Variants in MSH3 observed in about 807,000 individuals in gnomAD.
The protein encoded by MSH3 is mutS homolog 3.
A neutral mutation model predicts 123.3 loss-of-function variants in MSH3; 106 were observed. The observed-to-expected ratio is 0.86, with a 90% CI of 0.73 to 1.01. The LOEUF (loss-of-function observed/expected upper bound fraction) is 1.01. Among genes scored for constraint, MSH3 ranks in the 50% least tolerant of loss-of-function variants. MSH3 has a pLI of 0.00. For synonymous variants in MSH3, 515 were observed against 481.4 expected (o/e 1.07, Z -0.91); for missense variants, 1,459 against 1,347.6 (o/e 1.08, Z -1.29).
chr5:80,871,134 G>T (rs1046134761), intron 22 of MSH3, among the ~76,000 whole-genome samples: 2 of 152,128 alleles, frequency 1.3e-5, no homozygotes, highest in East Asian at 3.9e-4. Context: ...CATTCAGGAG[G>T]TTCATTCGGA....
At chr5:80,838,395 T>C (rs867262029) in intron 20 of MSH3, among the ~76,000 whole-genome samples, 6 of 152,184 alleles carry the variant, frequency 3.9e-5, no homozygotes, top group Admixed American at 2.0e-4. Flanking sequence ...TCCTCATTTG[T>C]ACATAGGGAT....
chr5:80,863,498 G>A (rs905116140), intron 21 of MSH3, among the ~76,000 whole-genome samples: 2 of 151,878 alleles, frequency 1.3e-5, no homozygotes, highest in Non-Finnish European at 2.9e-5. Context: ...GTGAAACCCC[G>A]TCTCTACTAA....
chr5:80,756,703 G>C (rs1440300540), intron 12 of MSH3, among the ~76,000 whole-genome samples: 1 of 152,082 alleles, frequency 6.6e-6, no homozygotes, highest in Non-Finnish European at 1.5e-5. Context: ...TTCATCACTA[G>C]AGTGTAAATT....
chr5:80,685,554 C>G (rs184758686), intron 8 of MSH3, among the ~76,000 whole-genome samples: 26 of 152,052 alleles, frequency 1.7e-4, no homozygotes, highest in African/African-American at 5.8e-4. Context: ...TGGGGTTTCT[C>G]TCTTTTTTCA....
chr5:80,804,789 A>G (rs1472164747), intron 19 of MSH3, among the ~76,000 whole-genome samples: 1 of 152,172 alleles, frequency 6.6e-6, no homozygotes, highest in East Asian at 1.9e-4. Context: ...ACTACCATCT[A>G]TGTTCACTCA....
chr5:80,862,802 A>T (rs1185512768), intron 21 of MSH3, among the ~76,000 whole-genome samples: 1 of 152,204 alleles, frequency 6.6e-6, no homozygotes, highest in Non-Finnish European at 1.5e-5. Context: ...ACTAACAAAA[A>T]TAAACTTTAA....
chr5:80,736,285 T>C (rs2112863442), intron 10 of MSH3, among the ~76,000 whole-genome samples: 1 of 105,808 alleles, frequency 9.5e-6, no homozygotes, highest in Admixed American at 1.2e-4. Flanking sequence ...TAAAAGACAC[T>C]AAGAAAATGA....
At chr5:80,832,244 G>A (rs1745432661) in intron 20 of MSH3, among the ~76,000 whole-genome samples, 1 of 152,144 alleles carries the variant, frequency 6.6e-6, no homozygotes, top group South Asian at 2.1e-4. Context: ...AAAGGGGAGA[G>A]TTTTCCAGGA....
intron 3 of MSH3, among the ~76,000 whole-genome samples, chr5:80,666,085 A>C (rs962335517): frequency 2.6e-5 from 4 of 152,154 alleles, no homozygotes; most frequent in African/African-American, 9.7e-5. Context: ...TTATTGATGG[A>C]GTCTTGCTCT....
At chr5:80,655,612 G>A (rs2112800082) in intron 1 of MSH3, 1 of 182,882 alleles carries the variant, frequency 5.5e-6, no homozygotes. Flanking sequence ...CAGAGATACT[G>A]CCACAGGAAA....
intron 19 of MSH3, among the ~76,000 whole-genome samples, chr5:80,805,586 C>T (rs1288714544): frequency 1.0e-4 from 8 of 80,322 alleles, no homozygotes; most frequent in Middle Eastern, 5.1e-3. Context: ...ATGCCCCCCC[C>T]CCCTACCTTT....
At chr5:80,748,353 A>G (rs1453762555) in intron 12 of MSH3, among the ~76,000 whole-genome samples, 18 of 152,182 alleles carry the variant, frequency 1.2e-4, no homozygotes, top group Admixed American at 1.2e-3. Context: ...AAATTTTAAT[A>G]GTGACTTTTA....
intron 12 of MSH3, chr5:80,746,523 T>C (rs531596392): frequency 1.5e-5 from 7 of 475,216 alleles, no homozygotes; most frequent in African/African-American, 1.2e-4. Context: ...GCAGAAGTAG[T>C]ACAAAAAGTA....
chr5:80,665,661 A>G (rs1391793577), intron 3 of MSH3, among the ~76,000 whole-genome samples: 1 of 152,214 alleles, frequency 6.6e-6, no homozygotes, highest in Non-Finnish European at 1.5e-5. Context: ...TTGAGAATTA[A>G]TACAAGCACA....
In MSH3 at chr5:80,670,246, C is replaced by A. The variant is rs777901350; in HGVS notation, c.729C>A (p.His243Gln). 3 of 1,614,028 alleles carry A rather than the reference C, an allele frequency of 1.9e-6. No homozygotes were observed. The highest frequency in any genetic ancestry group is 2.5e-6 in the Non-Finnish European group (3 of 1,179,998). The change falls in exon 4 of 24, where the codon CAC (histidine) becomes CAA (glutamine). Residue 243 changes from histidine (H) to glutamine (Q), a missense_variant. By Grantham distance (24) the His-to-Gln change is conservative. Transcript: ENST00000265081. Reference protein sequence around the residue: ...ELQYIEMKQQHKDAVLCVECG... With the variant: ...ELQYIEMKQQQKDAVLCVECG... Reference sequence around the variant, plus strand: ...AATACATAGAAATGAAGCAGCAGCACAAAGATGCAGTTTTGTGTGTGGAAT... The same window carrying A: ...AATACATAGAAATGAAGCAGCAGCAAAAAGATGCAGTTTTGTGTGTGGAAT...
intron 20 of MSH3, among the ~76,000 whole-genome samples, chr5:80,842,529 C>T (rs978489330): frequency 6.6e-6 from 1 of 152,136 alleles, no homozygotes; most frequent in Non-Finnish European, 1.5e-5. Context: ...ATTGATTCTT[C>T]CTATCCATGA....
intron 18 of MSH3, among the ~76,000 whole-genome samples, chr5:80,790,333 GC>G (rs1195098573): frequency 6.6e-6 from 1 of 152,042 alleles, no homozygotes; most frequent in Non-Finnish European, 1.5e-5. Context: ...TTTCTTAAAG[GC>G]CATCTAAAGA....
At chr5:80,845,037 ACTGATTGTT>A (rs1745695903) in intron 20 of MSH3, among the ~76,000 whole-genome samples, 1 of 152,116 alleles carries the variant, frequency 6.6e-6, no homozygotes. Flanking sequence ...AGTGGCTGGT[ACTGATTGTT>A]CCTTTCCATG....
At position 80,768,761 on chromosome 5, in the gene MSH3, C is replaced by A. The variant is rs576874229; in HGVS notation, c.2085-74C>A. The A allele has an allele frequency of 1.0e-5, 13 of 1,300,960 alleles. No homozygotes were observed. In the African/African-American group the frequency reaches 1.8e-4, roughly 18 times the overall value. 80.6% of individuals were successfully genotyped at this position (1,300,960 alleles called of 1,614,324 possible). On this transcript the variant is annotated intron_variant, in intron 14 of 23. Transcript: ENST00000265081. ...CTTCCAGTGCTTTCCTCTTTTATCACACTATGAAAAATAAGCGATAACTGC... is the reference window on the plus strand; with the variant it reads ...CTTCCAGTGCTTTCCTCTTTTATCAAACTATGAAAAATAAGCGATAACTGC...
Sources: gnomAD v4.1 joint callset for allele counts (sites outside exome capture counted in the v4.1 genomes callset) on GRCh38, gnomAD v4.1.1 for gene constraint, MANE v1.5 for transcripts, NCBI Gene and HGNC (gene_info 2026-07-23, HGNC 2026-07-21) for gene names.